CLSTN2: variants seen among roughly 807,000 people sequenced by gnomAD.
CLSTN2 encodes the protein calsyntenin-2.
In CLSTN2, 48 loss-of-function variants were observed where a neutral mutation model predicts 101.2. The observed-to-expected ratio is 0.47, with a 90% CI of 0.38 to 0.60. The LOEUF (loss-of-function observed/expected upper bound fraction) is 0.60, where lower values mean the gene tolerates loss of function less well. Ranked by LOEUF, CLSTN2 falls within the 20% of genes least tolerant of loss-of-function variation. The probability of loss-of-function intolerance (pLI) is 0.00; values close to 1 mark genes in which losing one functional copy is unlikely to be tolerated. For synonymous variants in CLSTN2, 481 were observed against 463.6 expected, an observed-to-expected ratio of 1.04 and a Z score of -0.48; for missense variants, 1,160 against 1,238.2, an observed-to-expected ratio of 0.94 and a Z score of 0.95.
intron 2 of CLSTN2, among the ~76,000 whole-genome samples, chr3:140,245,783 A>G (rs1456278474): frequency 6.6e-6 from 1 of 152,216 alleles, no homozygotes; most frequent in Non-Finnish European, 1.5e-5. Flanking sequence ...GCTCTGATTC[A>G]GAAAGGTGCC....
At chr3:140,475,225 C>T (rs1402512446) in intron 8 of CLSTN2, among the ~76,000 whole-genome samples, 1 of 152,122 alleles carries the variant, frequency 6.6e-6, no homozygotes, top group Non-Finnish European at 1.5e-5. Flanking sequence ...ACCAAGAGAC[C>T]ACAGTGAAGT....
chr3:140,316,247 A>C (rs922675006), intron 2 of CLSTN2, among the ~76,000 whole-genome samples: 1 of 152,286 alleles, frequency 6.6e-6, no homozygotes, highest in Admixed American at 6.5e-5. Flanking sequence ...GGCATGAGGA[A>C]TGGGACTTCA....
intron 1 of CLSTN2, among the ~76,000 whole-genome samples, chr3:140,045,436 T>C (rs529998388): frequency 1.3e-5 from 2 of 152,328 alleles, no homozygotes; most frequent in South Asian, 4.1e-4. Context: ...TTAGTCTTGC[T>C]AGCAGTCTAT....
intron 1 of CLSTN2, among the ~76,000 whole-genome samples, chr3:140,010,787 A>G (rs2007057400): frequency 6.6e-6 from 1 of 152,390 alleles, no homozygotes; most frequent in East Asian, 1.9e-4. Flanking sequence ...GATGATGTTC[A>G]TGTAGAAAAT....
chr3:140,278,299 G>A (rs761412031), intron 2 of CLSTN2, among the ~76,000 whole-genome samples: 3 of 152,114 alleles, frequency 2.0e-5, no homozygotes, highest in African/African-American at 4.8e-5. Flanking sequence ...ACAGGGCCCC[G>A]CCTCTTTTCT....
intron 1 of CLSTN2, among the ~76,000 whole-genome samples, chr3:140,098,635 G>A (rs546882057): frequency 2.6e-5 from 4 of 152,060 alleles, no homozygotes; most frequent in Non-Finnish European, 5.9e-5. Context: ...TCATTCCCCC[G>A]GCTTTAGAAG....
At chr3:140,130,562 G>T (rs1015068623) in intron 1 of CLSTN2, among the ~76,000 whole-genome samples, 3 of 152,124 alleles carry the variant, frequency 2.0e-5, no homozygotes, top group Admixed American at 1.3e-4. Context: ...TGTATGGCAG[G>T]GAAAGATGCA....
chr3:140,340,283 T>TC (rs1303486639), intron 2 of CLSTN2, among the ~76,000 whole-genome samples: 2 of 152,210 alleles, frequency 1.3e-5, no homozygotes, highest in Non-Finnish European at 2.9e-5. Flanking sequence ...TACATCACCT[T>TC]CCCCTGGTTA....
chr3:140,452,927 A>G (rs1243172635), intron 6 of CLSTN2, among the ~76,000 whole-genome samples: 1 of 152,182 alleles, frequency 6.6e-6, no homozygotes, highest in African/African-American at 2.4e-5. Flanking sequence ...CTCTGAATTC[A>G]TAGCTCCACA....
At chr3:140,352,788 G>A (rs2087623809) in intron 2 of CLSTN2, among the ~76,000 whole-genome samples, 1 of 152,052 alleles carries the variant, frequency 6.6e-6, no homozygotes, top group Admixed American at 6.6e-5. Flanking sequence ...TCAGAGCAGG[G>A]AAATTCATCT....
intron 1 of CLSTN2, among the ~76,000 whole-genome samples, chr3:140,167,638 C>T (rs1233200537): frequency 6.6e-6 from 1 of 152,172 alleles, no homozygotes; most frequent in Non-Finnish European, 1.5e-5. Flanking sequence ...GTGTAACCAC[C>T]ACTACAATCA....
chr3:140,193,092 G>A (rs1190853062), intron 2 of CLSTN2, among the ~76,000 whole-genome samples: 1 of 151,360 alleles, frequency 6.6e-6, no homozygotes, highest in Non-Finnish European at 1.5e-5. Flanking sequence ...TGTCTTAAAT[G>A]TCTCTTCTAT....
At chr3:140,070,689 G>A (rs892884181) in intron 1 of CLSTN2, among the ~76,000 whole-genome samples, 2 of 152,106 alleles carry the variant, frequency 1.3e-5, no homozygotes, top group Non-Finnish European at 2.9e-5. Flanking sequence ...CAAAAGGTTT[G>A]TTTTTTCTTG....
intron 2 of CLSTN2, among the ~76,000 whole-genome samples, chr3:140,270,830 C>T (rs1256833431): frequency 6.6e-6 from 1 of 152,176 alleles, no homozygotes; most frequent in Non-Finnish European, 1.5e-5. Flanking sequence ...GGTAGCAGAA[C>T]TCCGGTACCT....
chr3:140,432,801 G>C (rs2088647990), intron 5 of CLSTN2, among the ~76,000 whole-genome samples: 1 of 152,174 alleles, frequency 6.6e-6, no homozygotes, highest in Admixed American at 6.5e-5. Flanking sequence ...GAGGGGAAGA[G>C]GGTGTGGGCA....
At chr3:140,030,120 G>A (rs2007515163) in intron 1 of CLSTN2, among the ~76,000 whole-genome samples, 1 of 152,136 alleles carries the variant, frequency 6.6e-6, no homozygotes, top group South Asian at 2.1e-4. Flanking sequence ...GCAACAGACC[G>A]AGGGGACAGC....
intron 8 of CLSTN2, among the ~76,000 whole-genome samples, chr3:140,470,488 G>C (rs546689912): frequency 7.9e-5 from 12 of 152,342 alleles, no homozygotes; most frequent in African/African-American, 2.9e-4. Context: ...AGGAGGGCTG[G>C]GGTCAGGGCG....
At chr3:140,416,080 T>C (rs764030016) in intron 4 of CLSTN2, among the ~76,000 whole-genome samples, 8 of 152,166 alleles carry the variant, frequency 5.3e-5, no homozygotes, top group African/African-American at 9.7e-5. Context: ...CCGAAGGACG[T>C]TATGCTAAGT....
chr3:140,414,886 A>C (rs2088410811), intron 4 of CLSTN2, among the ~76,000 whole-genome samples: 1 of 152,086 alleles, frequency 6.6e-6, no homozygotes. Context: ...CTTGAGCAAG[A>C]AGAACAAACC....
Sources: gnomAD v4.1 joint callset for allele counts (sites outside exome capture counted in the v4.1 genomes callset) on GRCh38, gnomAD v4.1.1 for gene constraint, MANE v1.5 for transcripts, NCBI Gene and HGNC (gene_info 2026-07-23, HGNC 2026-07-21) for gene names.